The following CADM2 variants were observed in gnomAD, a reference collection of about 807,000 sequenced individuals.
The protein encoded by CADM2 is immunoglobulin superfamily member 4D.
In CADM2, 12 loss-of-function variants were observed where a neutral mutation model predicts 49.8. The observed-to-expected ratio is 0.24, with a 90% confidence interval of 0.15 to 0.39. The LOEUF (loss-of-function observed/expected upper bound fraction) is 0.39, where lower values mean the gene tolerates loss of function less well. Ranked by LOEUF, CADM2 falls within the 10% of genes least tolerant of loss-of-function variation. CADM2 has a pLI of 1.00. For missense variants in CADM2, 378 were observed against 492.3 expected (o/e 0.77, Z 2.20); for synonymous variants, 214 against 175.4 (o/e 1.22, Z -1.74).
At chr3:85,615,164 G>T (rs1015734558) in intron 1 of CADM2, among the ~76,000 whole-genome samples, 1 of 151,586 alleles carries the variant, frequency 6.6e-6, no homozygotes, top group Admixed American at 6.6e-5. Context: ...CTTTGGCCTA[G>T]ATGTCTTTGT....
intron 1 of CADM2, among the ~76,000 whole-genome samples, chr3:85,489,630 G>A (rs1327902058): frequency 1.3e-5 from 2 of 150,586 alleles, no homozygotes; most frequent in Non-Finnish European, 2.9e-5. Context: ...ATGTGCACAT[G>A]TACCCTAAAA....
chr3:85,455,117 A>G (rs942013801), intron 1 of CADM2, among the ~76,000 whole-genome samples: 1 of 152,208 alleles, frequency 6.6e-6, no homozygotes, highest in Admixed American at 6.5e-5. Flanking sequence ...ATTCCAGTGT[A>G]TGCTTCCCAA....
At chr3:85,110,280 G>A (rs1405157561) in intron 1 of CADM2, among the ~76,000 whole-genome samples, 2 of 151,730 alleles carry the variant, frequency 1.3e-5, no homozygotes, top group Non-Finnish European at 3.0e-5. Context: ...GAGAATAAGA[G>A]AGAAACTGTG....
intron 8 of CADM2, chr3:86,028,057 G>C (rs962738329): frequency 8.4e-6 from 1 of 119,630 alleles, no homozygotes; most frequent in Non-Finnish European, 1.7e-5. Flanking sequence ...GTTGTGGGGT[G>C]GGGGGAGGGG....
At chr3:85,720,398 T>C (rs962313253) in intron 1 of CADM2, among the ~76,000 whole-genome samples, 10 of 152,214 alleles carry the variant, frequency 6.6e-5, no homozygotes, top group African/African-American at 2.4e-4. Context: ...ATATGAGTAT[T>C]TGCTAAAATT....
chr3:85,971,784 GA>G (rs1726178112), intron 8 of CADM2, among the ~76,000 whole-genome samples: 1 of 151,398 alleles, frequency 6.6e-6, no homozygotes, highest in South Asian at 2.1e-4. Flanking sequence ...TATTATAAAA[GA>G]AAAAATGCAT....
chr3:85,766,350 G>A (rs986470117), intron 2 of CADM2, among the ~76,000 whole-genome samples: 2 of 152,076 alleles, frequency 1.3e-5, no homozygotes, highest in Admixed American at 1.3e-4. Flanking sequence ...TTATGTCAGG[G>A]CCCCAGAACA....
chr3:85,031,646 C>G (rs1576074468), intron 1 of CADM2, among the ~76,000 whole-genome samples: 1 of 152,282 alleles, frequency 6.6e-6, no homozygotes, highest in South Asian at 2.1e-4. Flanking sequence ...TCCCGAGTAG[C>G]TGGGACTACA....
At chr3:85,307,606 C>T (rs928175871) in intron 1 of CADM2, among the ~76,000 whole-genome samples, 2 of 151,794 alleles carry the variant, frequency 1.3e-5, no homozygotes, top group East Asian at 1.9e-4. Context: ...AAACATGCTT[C>T]TTTGTTCTTT....
chr3:85,106,494 G>T (rs921818417), intron 1 of CADM2, among the ~76,000 whole-genome samples: 1 of 152,052 alleles, frequency 6.6e-6, no homozygotes, highest in Non-Finnish European at 1.5e-5. Context: ...TTGGGCACAG[G>T]TTCCTTATTC....
chr3:85,818,808 A>T (rs1026902289), intron 3 of CADM2, among the ~76,000 whole-genome samples: 1 of 152,034 alleles, frequency 6.6e-6, no homozygotes, highest in Non-Finnish European at 1.5e-5. Context: ...GTGTGACATC[A>T]TGATGGCCTG....
At chr3:85,657,414 A>G (rs1404759162) in intron 1 of CADM2, among the ~76,000 whole-genome samples, 1 of 152,042 alleles carries the variant, frequency 6.6e-6, no homozygotes, top group Non-Finnish European at 1.5e-5. Context: ...AGTTCTCATA[A>G]TATTCATTGA....
At chr3:85,640,242 G>A (rs556537395) in intron 1 of CADM2, among the ~76,000 whole-genome samples, 10 of 152,134 alleles carry the variant, frequency 6.6e-5, no homozygotes, top group Non-Finnish European at 1.2e-4. Flanking sequence ...TTCAAATCTC[G>A]TTTGTTAATC....
At chr3:85,270,276 T>A (rs1404377398) in intron 1 of CADM2, among the ~76,000 whole-genome samples, 1 of 151,258 alleles carries the variant, frequency 6.6e-6, no homozygotes, top group Non-Finnish European at 1.5e-5. Context: ...CAGAGATAAA[T>A]AAAGAATCAA....
intron 1 of CADM2, among the ~76,000 whole-genome samples, chr3:85,239,476 C>T (rs181326616): frequency 6.6e-6 from 1 of 151,650 alleles, no homozygotes; most frequent in African/African-American, 2.4e-5. Context: ...AAAGAAAAGC[C>T]TTTAGAATTT....
chr3:85,649,011 T>C (rs572293545), intron 1 of CADM2, among the ~76,000 whole-genome samples: 1 of 152,216 alleles, frequency 6.6e-6, no homozygotes, highest in African/African-American at 2.4e-5. Context: ...GTGCTCTATG[T>C]AGAAAGAGAA....
chr3:84,982,791 G>A (rs1007604744), intron 1 of CADM2, among the ~76,000 whole-genome samples: 4 of 139,610 alleles, frequency 2.9e-5, no homozygotes, highest in Non-Finnish European at 6.1e-5. Context: ...TATTGCCCAG[G>A]CTGGAGTGCA....
At chr3:85,358,882 A>C (rs187694098) in intron 1 of CADM2, among the ~76,000 whole-genome samples, 152 of 152,256 alleles carry the variant, frequency 1.0e-3, no homozygotes, top group Non-Finnish European at 1.7e-3. Flanking sequence ...GCAAATAGGA[A>C]ATAATCTTGT....
At chr3:85,986,417 T>C (rs537459202) in intron 8 of CADM2, among the ~76,000 whole-genome samples, 3 of 147,372 alleles carry the variant, frequency 2.0e-5, no homozygotes, top group South Asian at 4.3e-4. Flanking sequence ...AATCAAGAAG[T>C]TGTTTATGAG....
Sources: gnomAD v4.1 joint callset for allele counts (sites outside exome capture counted in the v4.1 genomes callset) on GRCh38, gnomAD v4.1.1 for gene constraint, MANE v1.5 for transcripts, NCBI Gene and HGNC (gene_info 2026-07-23, HGNC 2026-07-21) for gene names.